The following LRFN5 variants were observed in gnomAD, a reference collection of about 807,000 sequenced individuals.
The protein encoded by LRFN5 is leucine-rich repeat and fibronectin type-III domain-containing protein 5.
In LRFN5, 24 loss-of-function variants were observed where a neutral mutation model predicts 45.6. That is an observed-to-expected ratio of 0.53 (90% CI 0.38 to 0.74). The LOEUF is 0.74. Ranked by LOEUF, LRFN5 falls within the 30% of genes least tolerant of loss-of-function variation. LRFN5 has a pLI of 0.00. For synonymous variants in LRFN5, 340 were observed against 313.8 expected (o/e 1.08, Z -0.88); for missense variants, 776 against 861.5 (o/e 0.90, Z 1.24).
intron 1 of LRFN5, among the ~76,000 whole-genome samples, chr14:41,759,166 T>C (rs1378109295): frequency 6.6e-6 from 1 of 152,208 alleles, no homozygotes; most frequent in East Asian, 1.9e-4. Flanking sequence ...TTGTAATGTG[T>C]TTTTAAGTCC....
chr14:41,760,955 G>C (rs563729269), intron 1 of LRFN5, among the ~76,000 whole-genome samples: 1 of 152,156 alleles, frequency 6.6e-6, no homozygotes, highest in Admixed American at 6.5e-5. Context: ...TGTCCATTTG[G>C]ACTAATAAAG....
At chr14:41,660,536 A>G (rs2138637152) in intron 1 of LRFN5, among the ~76,000 whole-genome samples, 1 of 151,902 alleles carries the variant, frequency 6.6e-6, no homozygotes, top group African/African-American at 2.4e-5. Context: ...TGTTTAGAAG[A>G]CTGGCTTGCA....
At chr14:41,819,199 G>C (rs1888027358) in intron 2 of LRFN5, among the ~76,000 whole-genome samples, 1 of 152,072 alleles carries the variant, frequency 6.6e-6, no homozygotes, top group South Asian at 2.1e-4. Context: ...TACCAGTGCA[G>C]GTGTCACTTT....
intron 2 of LRFN5, among the ~76,000 whole-genome samples, chr14:41,861,594 G>T (rs1889663061): frequency 6.6e-6 from 1 of 152,136 alleles, no homozygotes; most frequent in Non-Finnish European, 1.5e-5. Context: ...GAGAGACCTT[G>T]TGTTATTTAT....
At chr14:41,892,264 G>A in intron 4 of LRFN5, 2 of 984,026 alleles carry the variant, frequency 2.0e-6, no homozygotes, top group Admixed American at 6.2e-5. Context: ...TTCCAATGCT[G>A]TGTATAAATC....
Position 41,672,214 on chromosome 14 carries a change from A to G in LRFN5, c.-197+63652A>G, listed in dbSNP as rs549505898. On this transcript the variant is annotated intron_variant, in intron 1 of 5. Coordinates refer to ENST00000298119, the MANE Select transcript of LRFN5 (RefSeq NM_152447.5). ...ACATGTAACATGCTTTAGAAATACA[A>G]TTGGCATTAGGAAGTACTCTGATTT... Among the ~76,000 whole-genome samples, 7 of 152,288 alleles carry G rather than the reference A, an allele frequency of 4.6e-5. No individual in the cohort carries two copies. The South Asian group carries it at 6.2e-4, about 14-fold the overall frequency.
chr14:41,618,809 A>T (rs1182072613), intron 1 of LRFN5, among the ~76,000 whole-genome samples: 2 of 152,184 alleles, frequency 1.3e-5, no homozygotes, highest in Non-Finnish European at 2.9e-5. Context: ...ATATTTGTTA[A>T]ATATCTACCA....
chr14:41,643,452 TTTCCCCCCACATACATATC>T (rs1246011211), intron 1 of LRFN5, among the ~76,000 whole-genome samples: 1 of 152,148 alleles, frequency 6.6e-6, no homozygotes, highest in East Asian at 1.9e-4. Flanking sequence ...ATAAATCCCC[TTTCCCCCCACATACATATC>T]TTCTCGGCAC....
chr14:41,844,436 C>A (rs1330540341), intron 2 of LRFN5, among the ~76,000 whole-genome samples: 250 of 138,446 alleles, frequency 1.8e-3, no homozygotes, highest in Non-Finnish European at 1.9e-3. Flanking sequence ...GACTCCGTCT[C>A]AAAAAAAAAA....
intron 2 of LRFN5, among the ~76,000 whole-genome samples, chr14:41,844,297 C>T (rs1381831484): frequency 1.3e-5 from 2 of 151,730 alleles, no homozygotes; most frequent in African/African-American, 2.4e-5. Flanking sequence ...ATTAGCCAGG[C>T]GTGGTGGTGG....
intron 2 of LRFN5, among the ~76,000 whole-genome samples, chr14:41,794,404 C>G (rs1367884337): frequency 1.3e-5 from 2 of 151,864 alleles, no homozygotes; most frequent in African/African-American, 4.8e-5. Flanking sequence ...CAAATATTAC[C>G]TCCTGTAAGA....
chr14:41,771,189 G>A (rs552759258), intron 2 of LRFN5, among the ~76,000 whole-genome samples: 3 of 150,154 alleles, frequency 2.0e-5, no homozygotes, highest in African/African-American at 7.3e-5. Context: ...CTATTCTCCT[G>A]GGCCTCTGGC....
chr14:41,660,500 A>G (rs935652551), intron 1 of LRFN5, among the ~76,000 whole-genome samples: 4 of 152,148 alleles, frequency 2.6e-5, no homozygotes, highest in African/African-American at 4.8e-5. Context: ...TGTTGTCTAC[A>G]TAGCTGTGCC....
At chr14:41,765,275 G>C (rs1022298373) in intron 1 of LRFN5, among the ~76,000 whole-genome samples, 1 of 151,348 alleles carries the variant, frequency 6.6e-6, no homozygotes, top group East Asian at 1.9e-4. Context: ...CCGGGAGGCG[G>C]AGGTTGCAGT....
chr14:41,748,708 A>G (rs1036475707), intron 1 of LRFN5, among the ~76,000 whole-genome samples: 1 of 152,124 alleles, frequency 6.6e-6, no homozygotes, highest in Non-Finnish European at 1.5e-5. Flanking sequence ...ATGGTTCAGT[A>G]TGAATACAGC....
chr14:41,806,469 A>T (rs1234880826), intron 2 of LRFN5, among the ~76,000 whole-genome samples: 2 of 152,186 alleles, frequency 1.3e-5, no homozygotes, highest in African/African-American at 2.4e-5. Flanking sequence ...AGTAAGCAGA[A>T]TGATATTCCT....
chr14:41,890,577 G>C (rs369622116), intron 3 of LRFN5, among the ~76,000 whole-genome samples: 76 of 151,820 alleles, frequency 5.0e-4, no homozygotes, highest in Middle Eastern at 6.8e-3. Context: ...CGTGGTGGCG[G>C]GCGCCTGTAG....
In LRFN5 at chr14:41,618,714, C is replaced by T. The variant is rs530022828; in HGVS notation, c.-197+10152C>T. Among the ~76,000 whole-genome samples the T allele has an allele frequency of 5.9e-5, 9 of 152,240 alleles. No homozygotes were observed. In the South Asian group the frequency reaches 1.7e-3, roughly 28 times the overall value. ...TAATCAGAATAAATAACTGAGACAC[C>T]TGTCTTAGGTACTGAGACATAGCCA... On this transcript the variant is annotated intron_variant, in intron 1 of 5. Transcript: ENST00000298119.
At chr14:41,780,466 A>C (rs1886441879) in intron 2 of LRFN5, among the ~76,000 whole-genome samples, 1 of 152,090 alleles carries the variant, frequency 6.6e-6, no homozygotes, top group Admixed American at 6.6e-5. Flanking sequence ...ATTGCTCTGA[A>C]GTCGGCTTTG....
Sources: gnomAD v4.1 joint callset for allele counts (sites outside exome capture counted in the v4.1 genomes callset) on GRCh38, gnomAD v4.1.1 for gene constraint, MANE v1.5 for transcripts, NCBI Gene and HGNC (gene_info 2026-07-23, HGNC 2026-07-21) for gene names.